Variants in PRH1 observed in about 807,000 individuals in gnomAD.
PRH1 encodes proline rich protein HaeIII subfamily 1.
In PRH1, 7 loss-of-function variants were observed where a neutral mutation model predicts 7.9. The ratio of observed to expected loss-of-function variants is 0.89; its 90% confidence interval spans 0.50 to 1.67. The LOEUF is 1.67. Among genes scored for constraint, PRH1 ranks in the 40% most tolerant of loss-of-function variants. The probability of loss-of-function intolerance (pLI) is 0.00; values close to 1 mark genes in which losing one functional copy is unlikely to be tolerated. For synonymous variants in PRH1, 45 were observed against 80.8 expected, an observed-to-expected ratio of 0.56 and a Z score of 2.38; for missense variants, 109 against 223.6, an observed-to-expected ratio of 0.49 and a Z score of 3.27.
intron 1 of PRH1, among the ~76,000 whole-genome samples, chr12:11,057,258 A>C (rs1050889406): frequency 1.3e-5 from 2 of 152,230 alleles, no homozygotes; most frequent in Non-Finnish European, 2.9e-5. Context: ...TTGGCCTCCC[A>C]AACTACTAAG....
At position 11,054,863 on chromosome 12, in the gene PRH1, C is replaced by T. The variant is rs1290390955; in HGVS notation, n.124-7675G>A. 2.0e-4 allele frequency among the ~76,000 whole-genome samples: 23 copies of T among 116,182 alleles called. 1 individual carries two copies. Among genetic ancestry groups the T allele is most frequent in the African/African-American group, 7.5e-4 (22 of 29,188 alleles). 76.2% of individuals were successfully genotyped at this position (116,182 alleles called of 152,430 possible). ...TGTCACCCAGGCTGGAGTGCAGTGG[C>T]GAGATCTCGGCTCACTGCAAGCTCT... On this transcript the variant is annotated intron_variant and non_coding_transcript_variant, in intron 1 of 4. Transcript: ENST00000541977.
intron 1 of PRH1, chr12:11,030,816 G>T: frequency 6.2e-7 from 1 of 1,614,138 alleles, no homozygotes; most frequent in South Asian, 1.1e-5. Context: ...GCATCTGAAA[G>T]GTACACTGCA....
chr12:11,166,738 T>G (rs1947595093), intron 1 of PRH1, among the ~76,000 whole-genome samples: 1 of 152,224 alleles, frequency 6.6e-6, no homozygotes, highest in Admixed American at 6.5e-5. Flanking sequence ...TATCATAAAT[T>G]TAGTGGCTTA....
At chr12:11,013,598 T>TATA (rs200319064) in intron 1 of PRH1, among the ~76,000 whole-genome samples, 4 of 152,128 alleles carry the variant, frequency 2.6e-5, no homozygotes, top group African/African-American at 9.7e-5. Flanking sequence ...TCATTATGTC[T>TATA]ATAATAATAA....
intron 1 of PRH1, chr12:10,997,406 T>A (rs1940328635): frequency 6.2e-7 from 1 of 1,613,994 alleles, no homozygotes; most frequent in African/African-American, 1.3e-5. Flanking sequence ...TCCTTCACAT[T>A]CTTCTGTCCA....
chr12:10,896,878 G>C (rs971907575), intron 2 of PRH1: 1 of 152,008 alleles, frequency 6.6e-6, no homozygotes, highest in African/African-American at 2.4e-5. Context: ...AATCTAGAAT[G>C]GTTTGTGACT....
rs1346307575 is a variant in PRH1 at position 11,030,663 on chromosome 12, T to C, written c.-126+16357A>G. 5 of 1,614,090 alleles carry C rather than the reference T, an allele frequency of 3.1e-6. No homozygotes were observed. The African/African-American group carries it at 4.0e-5, about 13-fold the overall frequency. ...AAGATCACAGTTTGCAAAGCTTTTA[T>C]GTGGACCTTGGTGCTGGGATCTTGA... On this transcript the variant is annotated intron_variant, in intron 1 of 3. Transcript: ENST00000539853.
At chr12:10,952,476 AT>A (rs988946346) in intron 2 of PRH1, among the ~76,000 whole-genome samples, 6 of 151,922 alleles carry the variant, frequency 3.9e-5, no homozygotes, top group Admixed American at 1.3e-4. Context: ...CAATAAAATA[AT>A]TTTTTTTTAA....
rs1943737672 is a variant in PRH1, at chr12:11,064,632, T to A, written n.124-17444A>T. On this transcript the variant is annotated intron_variant and non_coding_transcript_variant, in intron 1 of 4. Transcript: ENST00000541977. The stretch of plus-strand genomic sequence containing the variant: ...TTACCTCCATTCTATTTTTTGCCAT[T>A]TGCATGTATCTTATCAATTATATAA... Among the ~76,000 whole-genome samples, 3 of 152,162 alleles carry A rather than the reference T, an allele frequency of 2.0e-5. No homozygotes were observed. In the South Asian group the frequency reaches 6.2e-4, roughly 31 times the overall value.
rs1947243669 is a variant in PRH1 at position 11,156,210 on chromosome 12, A to G, written n.39+15212T>C. On this transcript the variant is annotated intron_variant and non_coding_transcript_variant, in intron 1 of 1. Coordinates refer to the PRH1 transcript ENST00000541175. The stretch of plus-strand genomic sequence containing the variant: ...TATATTACATTGAATTCTAGCTTCC[A>G]TGCTTTCTGCTGAAAATCAGTTGTC... Among the ~76,000 whole-genome samples the G allele has an allele frequency of 2.0e-5, 3 of 152,298 alleles. No homozygotes were observed. The South Asian group carries it at 6.2e-4, about 32-fold the overall frequency.
intron 1 of PRH1, among the ~76,000 whole-genome samples, chr12:11,127,762 A>C (rs1440309812): frequency 2.0e-5 from 3 of 152,286 alleles, no homozygotes; most frequent in African/African-American, 7.2e-5. Flanking sequence ...TAGGCCTTTA[A>C]CTAAGTTATT....
intron 1 of PRH1, among the ~76,000 whole-genome samples, chr12:11,130,868 C>T (rs1946321155): frequency 6.6e-6 from 1 of 151,628 alleles, no homozygotes; most frequent in Non-Finnish European, 1.5e-5. Context: ...GTCATATGCT[C>T]ATAAAGCCAG....
At chr12:10,921,965 C>T (rs1432293760) in intron 2 of PRH1, among the ~76,000 whole-genome samples, 4 of 152,052 alleles carry the variant, frequency 2.6e-5, no homozygotes, top group Non-Finnish European at 5.9e-5. Flanking sequence ...GCAGTGGGGT[C>T]TCACCATATT....
chr12:10,924,904 T>A (rs1950103899), intron 2 of PRH1, among the ~76,000 whole-genome samples: 1 of 152,194 alleles, frequency 6.6e-6, no homozygotes, highest in African/African-American at 2.4e-5. Flanking sequence ...TCTTCTTTAT[T>A]AGTCTTGCTA....
chr12:11,016,698 A>C (rs1941314019), intron 1 of PRH1, among the ~76,000 whole-genome samples: 1 of 152,228 alleles, frequency 6.6e-6, no homozygotes, highest in Non-Finnish European at 1.5e-5. Context: ...TGTCCATCCC[A>C]AGGTGGATCT....
At chr12:11,066,316 A>C (rs1410754604) in intron 1 of PRH1, among the ~76,000 whole-genome samples, 1 of 152,174 alleles carries the variant, frequency 6.6e-6, no homozygotes, top group Non-Finnish European at 1.5e-5. Flanking sequence ...CCTCTCTTAG[A>C]AATAAAAGCT....
intron 1 of PRH1, among the ~76,000 whole-genome samples, chr12:11,002,218 A>G (rs571478064): frequency 6.6e-5 from 10 of 152,264 alleles, no homozygotes; most frequent in African/African-American, 2.4e-4. Context: ...TGAGATAGAT[A>G]TAGATGATGA....
intron 1 of PRH1, among the ~76,000 whole-genome samples, chr12:11,154,135 T>C (rs1947185065): frequency 6.6e-6 from 1 of 152,228 alleles, no homozygotes; most frequent in Non-Finnish European, 1.5e-5. Context: ...AATCTTATGA[T>C]ACATCAGCCA....
chr12:11,111,328 C>A (rs1275182182), intron 1 of PRH1, among the ~76,000 whole-genome samples: 1 of 152,212 alleles, frequency 6.6e-6, no homozygotes, highest in Admixed American at 6.5e-5. Context: ...GAACTCTCCA[C>A]CTCAAATCAA....
Sources: gnomAD v4.1 joint callset for allele counts (sites outside exome capture counted in the v4.1 genomes callset) on GRCh38, gnomAD v4.1.1 for gene constraint, MANE v1.5 for transcripts, NCBI Gene and HGNC (gene_info 2026-07-23, HGNC 2026-07-21) for gene names.